Variants in PRSS12 observed in about 807,000 individuals in gnomAD.
PRSS12 encodes the protein neurotrypsin.
Under a neutral mutation model 104.4 loss-of-function variants are expected in PRSS12, and 85 were observed. The observed-to-expected ratio is 0.81, with a 90% CI of 0.68 to 0.98. The LOEUF is 0.98. Among genes scored for constraint, PRSS12 ranks in the 50% least tolerant of loss-of-function variants. The pLI is 0.00. For synonymous variants in PRSS12, 454 were observed against 425.2 expected (o/e 1.07, Z -0.83); for missense variants, 1,141 against 1,139.2 (o/e 1.00, Z -0.02).
chr4:118,291,006 C>T (rs1560764834), intron 11 of PRSS12, among the ~76,000 whole-genome samples: 2 of 151,996 alleles, frequency 1.3e-5, no homozygotes, highest in African/African-American at 4.8e-5. Context: ...TAAGTACAAA[C>T]ATATACAAAG....
intron 11 of PRSS12, among the ~76,000 whole-genome samples, chr4:118,283,943 AATTG>A (rs139440051): frequency 0.017 from 2,570 of 152,246 alleles, 58 homozygotes; most frequent in East Asian, 0.083. Flanking sequence ...GAATGCAAAA[AATTG>A]ATTAAGTTAG....
intron 6 of PRSS12, among the ~76,000 whole-genome samples, chr4:118,314,903 C>A (rs1218572430): frequency 6.6e-6 from 1 of 152,004 alleles, no homozygotes; most frequent in Non-Finnish European, 1.5e-5. Context: ...ATGAATCTCT[C>A]TAAATCTGTG....
Position 118,318,419 on chromosome 4 carries a change from C to A in PRSS12, c.1109G>T (p.Gly370Val). Reference protein sequence around the residue: ...PKSSWGEHNCGHKEDAGVSCT... With the variant: ...PKSSWGEHNCVHKEDAGVSCT... ...GGACACTCCAGCATCTTCTTTATGG[C>A]CACAGTTATGCTCTCCCCAGGAGCT... Residue 370 changes from glycine to valine, a missense_variant, in exon 5 of 13, where the codon GGC becomes GTC. Transcript: ENST00000296498. 1 of 1,614,072 alleles carries A rather than the reference C, an allele frequency of 6.2e-7. No homozygotes were observed. Among genetic ancestry groups the A allele is most frequent in the East Asian group, 2.2e-5 (1 of 44,874 alleles).
intron 1 of PRSS12, among the ~76,000 whole-genome samples, chr4:118,341,272 G>A (rs1724201129): frequency 6.6e-6 from 1 of 152,154 alleles, no homozygotes; most frequent in South Asian, 2.1e-4. Flanking sequence ...ATCATTTTCT[G>A]AGACCCAACA....
At position 118,282,954 on chromosome 4, in the gene PRSS12, G is replaced by A. The variant is rs1163278887; in HGVS notation, c.2197C>T (p.Gln733Ter). ...SDYDIALVRL[Q>*]GPEEQCARFS... ...CTGGCACATTGCTCTTCTGGTCCTT[G>A]TAATCTAACCAGGGCTATGTCATAA... Residue 733 changes from glutamine (Q) to a stop codon, truncating the protein, a stop_gained, in exon 12 of 13, where the codon CAA becomes TAA. Transcript: ENST00000296498. LOFTEE classifies it high-confidence loss of function. 1 of 1,614,146 alleles carries A rather than the reference G, an allele frequency of 6.2e-7. No individual in the cohort carries two copies. The highest frequency in any genetic ancestry group is 1.1e-5 in the South Asian group (1 of 91,092).
chr4:118,307,451 T>C (rs1414989221), intron 8 of PRSS12, among the ~76,000 whole-genome samples: 2 of 152,206 alleles, frequency 1.3e-5, no homozygotes, highest in Non-Finnish European at 2.9e-5. Flanking sequence ...ATTAAGGATA[T>C]ATTTTTAAAT....
chr4:118,298,140 C>CAA (rs889038925), intron 9 of PRSS12, among the ~76,000 whole-genome samples: 23 of 59,512 alleles, frequency 3.9e-4, no homozygotes, highest in East Asian at 9.3e-4. Flanking sequence ...TCCGTCTCAA[C>CAA]AAAAAAAAAA....
intron 3 of PRSS12, among the ~76,000 whole-genome samples, chr4:118,333,000 G>T (rs553372461): frequency 6.6e-6 from 1 of 152,270 alleles, no homozygotes; most frequent in East Asian, 1.9e-4. Flanking sequence ...CCCTACAGTG[G>T]TTCAGAAGCA....
At chr4:118,317,371 T>C (rs1291300408) in intron 5 of PRSS12, among the ~76,000 whole-genome samples, 5 of 152,144 alleles carry the variant, frequency 3.3e-5, no homozygotes, top group Admixed American at 6.5e-5. Flanking sequence ...CAATGAAACA[T>C]ATAAATAATC....
At chr4:118,300,704 C>T (rs1454876431) in intron 8 of PRSS12, among the ~76,000 whole-genome samples, 2 of 151,644 alleles carry the variant, frequency 1.3e-5, no homozygotes, top group African/African-American at 4.8e-5. Flanking sequence ...AAAAACTACT[C>T]CAAGGAAAGT....
intron 11 of PRSS12, among the ~76,000 whole-genome samples, chr4:118,283,865 C>T (rs1365620196): frequency 6.6e-6 from 1 of 152,106 alleles, no homozygotes; most frequent in Non-Finnish European, 1.5e-5. Flanking sequence ...TATTCCAGGT[C>T]AGAGATATCT....
chr4:118,306,536 G>C (rs1743558416), intron 8 of PRSS12, among the ~76,000 whole-genome samples: 1 of 152,094 alleles, frequency 6.6e-6, no homozygotes, highest in South Asian at 2.1e-4. Flanking sequence ...CAGAAAGCGG[G>C]GTGGGAGGGT....
chr4:118,316,066 G>A, intron 6 of PRSS12, 116 bp downstream of exon 6: 2 of 1,134,194 alleles, frequency 1.8e-6, no homozygotes, highest in Non-Finnish European at 2.6e-6. Context: ...TCCATACACA[G>A]GTAGGAGAGA....
chr4:118,299,085 C>A (rs1204351242), intron 8 of PRSS12, 147 bp from the exon 9 acceptor site: 7 of 918,770 alleles, frequency 7.6e-6, no homozygotes, highest in South Asian at 1.5e-5. Flanking sequence ...TCATGACTGT[C>A]AAAAAAAATT....
chr4:118,321,924 A>G (rs1723637175), intron 4 of PRSS12, among the ~76,000 whole-genome samples: 1 of 152,162 alleles, frequency 6.6e-6, no homozygotes, highest in South Asian at 2.1e-4. Flanking sequence ...GTTATTTTTT[A>G]TTATAGATTA....
intron 1 of PRSS12, among the ~76,000 whole-genome samples, chr4:118,342,397 G>C (rs1229085498): frequency 6.6e-6 from 1 of 152,092 alleles, no homozygotes; most frequent in Non-Finnish European, 1.5e-5. Context: ...ACCATTCTTC[G>C]ATACTCTAGT....
chr4:118,330,633 A>G (rs1470593520), intron 4 of PRSS12, among the ~76,000 whole-genome samples: 1 of 152,186 alleles, frequency 6.6e-6, no homozygotes, highest in Admixed American at 6.6e-5. Flanking sequence ...AGGACACTGT[A>G]GGGGCAACTC....
At chr4:118,343,775 C>T (rs890769084) in intron 1 of PRSS12, among the ~76,000 whole-genome samples, 84 of 152,200 alleles carry the variant, frequency 5.5e-4, no homozygotes, top group African/African-American at 1.8e-3. Context: ...TGCATGCCTG[C>T]CTATTTAGTT....
intron 1 of PRSS12, among the ~76,000 whole-genome samples, chr4:118,340,826 C>G (rs1210520280): frequency 6.6e-6 from 1 of 152,242 alleles, no homozygotes. Context: ...AAAGTGTGGT[C>G]AGCCACGTAG....
Sources: gnomAD v4.1 joint callset for allele counts (sites outside exome capture counted in the v4.1 genomes callset) on GRCh38, gnomAD v4.1.1 for gene constraint, MANE v1.5 for transcripts, NCBI Gene and HGNC (gene_info 2026-07-23, HGNC 2026-07-21) for gene names.